The following TCF7L2 variants were observed in gnomAD, a reference collection of about 807,000 sequenced individuals.
TCF7L2 encodes the protein transcription factor 7 like 2.
Under a neutral mutation model 77.9 loss-of-function variants are expected in TCF7L2, and 23 were observed. The ratio of observed to expected loss-of-function variants is 0.30; its 90% confidence interval spans 0.21 to 0.42. The LOEUF is 0.42. Among genes scored for constraint, TCF7L2 ranks in the 10% least tolerant of loss-of-function variants. The pLI, the probability that TCF7L2 is intolerant of heterozygous loss-of-function variation, is 1.00. For synonymous variants in TCF7L2, 413 were observed against 340.2 expected (o/e 1.21, Z -2.36); for missense variants, 654 against 793.1 (o/e 0.82, Z 2.11).
At chr10:112,993,305 A>G (rs541140892) in intron 4 of TCF7L2, among the ~76,000 whole-genome samples, 41 of 151,850 alleles carry the variant, frequency 2.7e-4, no homozygotes, top group African/African-American at 8.4e-4. Context: ...GGATCACTTG[A>G]GGTCAGCCTG....
intron 5 of TCF7L2, among the ~76,000 whole-genome samples, chr10:113,070,460 T>C (rs2057855194): frequency 6.6e-6 from 1 of 152,040 alleles, no homozygotes; most frequent in African/African-American, 2.4e-5. Flanking sequence ...CCCAAACAGA[T>C]CCTAGCTGCT....
At chr10:112,954,832 G>A (rs1164016370) in intron 3 of TCF7L2, among the ~76,000 whole-genome samples, 1 of 152,118 alleles carries the variant, frequency 6.6e-6, no homozygotes, top group Non-Finnish European at 1.5e-5. Flanking sequence ...AAAGTTATTT[G>A]CTTTTCAACC....
intron 5 of TCF7L2, chr10:113,129,974 A>C (rs1276131108): frequency 7.8e-7 from 1 of 1,284,880 alleles, no homozygotes; most frequent in African/African-American, 1.5e-5. Flanking sequence ...TGGCACCTCA[A>C]TTTGAATTGC....
At chr10:113,139,371 A>T (rs949447219) in intron 5 of TCF7L2, among the ~76,000 whole-genome samples, 8 of 152,152 alleles carry the variant, frequency 5.3e-5, no homozygotes, top group Admixed American at 3.9e-4. Flanking sequence ...CCTCTTAAGG[A>T]ATCCTTAGTG....
chr10:113,166,714 G>GT lies in TCF7L2; in HGVS notation c.*749dup, dbSNP rs533619082. On this transcript the variant is annotated 3_prime_UTR_variant, in exon 14 of 14. Transcript: ENST00000627217. ...TTCCTTTTTCTTGAAACTGTATAAA[G>GT]TTTTTTTCCCCCTTAGCATAAGCAT... The GT allele has an allele frequency of 4.4e-5, 10 of 229,130 alleles. No homozygotes were observed. In the East Asian group the frequency reaches 6.2e-4, roughly 14 times the overall value. 14.2% of individuals were successfully genotyped at this position (229,130 alleles called of 1,614,324 possible). A position where few individuals can be genotyped will look rare whatever the true frequency, so the allele number is the denominator to read the frequency against.
intron 4 of TCF7L2, among the ~76,000 whole-genome samples, chr10:113,024,896 A>G (rs961692328): frequency 6.6e-6 from 1 of 152,178 alleles, no homozygotes; most frequent in Non-Finnish European, 1.5e-5. Flanking sequence ...CTGGGATTAC[A>G]ATGTGAGCCA....
At chr10:113,082,680 T>G (rs907258910) in intron 5 of TCF7L2, among the ~76,000 whole-genome samples, 2 of 152,098 alleles carry the variant, frequency 1.3e-5, no homozygotes, top group Admixed American at 1.3e-4. Flanking sequence ...TTTAATAAAT[T>G]TACCCTCTTA....
intron 5 of TCF7L2, among the ~76,000 whole-genome samples, chr10:113,083,562 G>A (rs1226251456): frequency 6.6e-6 from 1 of 152,184 alleles, no homozygotes; most frequent in Non-Finnish European, 1.5e-5. Context: ...CTCATCTTCA[G>A]AGGTGAGAAT....
At chr10:112,977,592 G>C (rs927883873) in intron 4 of TCF7L2, among the ~76,000 whole-genome samples, 6 of 152,198 alleles carry the variant, frequency 3.9e-5, no homozygotes, top group Non-Finnish European at 8.8e-5. Context: ...AGTGTAAACT[G>C]TACTTCAACA....
chr10:113,067,467 C>T (rs2057400059), intron 5 of TCF7L2, among the ~76,000 whole-genome samples: 1 of 152,124 alleles, frequency 6.6e-6, no homozygotes, highest in South Asian at 2.1e-4. Context: ...CTTCTGTGTA[C>T]CCCTCTTCCC....
intron 4 of TCF7L2, among the ~76,000 whole-genome samples, chr10:113,031,069 G>A (rs1207072089): frequency 1.3e-5 from 2 of 152,200 alleles, no homozygotes; most frequent in African/African-American, 4.8e-5. Flanking sequence ...GTAGGGTGTA[G>A]GCAAAAGAGT....
At chr10:113,113,798 T>C (rs886559665) in intron 5 of TCF7L2, among the ~76,000 whole-genome samples, 1 of 152,156 alleles carries the variant, frequency 6.6e-6, no homozygotes, top group African/African-American at 2.4e-5. Flanking sequence ...TCCAAGGACC[T>C]TTTTTTAAGA....
At chr10:113,056,220 A>AAAGC (rs2055351728) in intron 5 of TCF7L2, among the ~76,000 whole-genome samples, 1 of 152,232 alleles carries the variant, frequency 6.6e-6, no homozygotes, top group African/African-American at 2.4e-5. Context: ...GCAGTTAGAT[A>AAAGC]ATTTATGAAG....
At chr10:113,043,843 G>A (rs1044195125) in intron 5 of TCF7L2, among the ~76,000 whole-genome samples, 8 of 152,204 alleles carry the variant, frequency 5.3e-5, no homozygotes, top group Non-Finnish European at 8.8e-5. Context: ...GTTTGAGTCA[G>A]TCTTGGCTGG....
chr10:113,128,245 A>G (rs986378349), intron 5 of TCF7L2, among the ~76,000 whole-genome samples: 1 of 152,184 alleles, frequency 6.6e-6, no homozygotes, highest in African/African-American at 2.4e-5. Flanking sequence ...GGAAGGCCAG[A>G]TAAGTCCAGA....
At chr10:113,008,965 T>C (rs766782254) in intron 4 of TCF7L2, among the ~76,000 whole-genome samples, 2 of 152,310 alleles carry the variant, frequency 1.3e-5, no homozygotes, top group Non-Finnish European at 2.9e-5. Flanking sequence ...TTTTTGAGAC[T>C]GAGTCTTGCT....
rs113265939 is a variant in TCF7L2, at chr10:113,012,413, G to A, written c.451-27612G>A. ...CTTTGTTACGTGAGCAATATTTGTT[G>A]AGTCTCTGTGGTGGGTTCTAGGGGT... On this transcript the variant is annotated intron_variant, in intron 4 of 13. Coordinates refer to ENST00000627217, the MANE Select transcript of TCF7L2 (RefSeq NM_001146274.2). 4.3e-3 allele frequency among the ~76,000 whole-genome samples: 662 copies of A among 152,296 alleles called. 3 individuals are homozygous for A. Among genetic ancestry groups the A allele is most frequent in the African/African-American group, 0.015 (620 of 41,542 alleles).
intron 5 of TCF7L2, among the ~76,000 whole-genome samples, chr10:113,131,211 G>A (rs965110180): frequency 4.6e-5 from 7 of 152,166 alleles, no homozygotes; most frequent in African/African-American, 1.7e-4. Flanking sequence ...ATCCAATTTT[G>A]GGGTGAGAAG....
intron 4 of TCF7L2, among the ~76,000 whole-genome samples, chr10:112,997,066 A>G (rs2043615103): frequency 6.6e-6 from 1 of 152,348 alleles, no homozygotes; most frequent in East Asian, 1.9e-4. Context: ...CCACAAACTA[A>G]TGAGGCAGCA....
Sources: gnomAD v4.1 joint callset for allele counts (sites outside exome capture counted in the v4.1 genomes callset) on GRCh38, gnomAD v4.1.1 for gene constraint, MANE v1.5 for transcripts, NCBI Gene and HGNC (gene_info 2026-07-23, HGNC 2026-07-21) for gene names.